Variants in LRP1B observed in about 807,000 individuals in gnomAD.
The protein encoded by LRP1B is low-density lipoprotein receptor-related protein 1B.
A neutral mutation model predicts 556.6 loss-of-function variants in LRP1B; 217 were observed. That is an observed-to-expected ratio of 0.39 (90% CI 0.35 to 0.44). The LOEUF (loss-of-function observed/expected upper bound fraction) is 0.44, where lower values mean the gene tolerates loss of function less well. Ranked by LOEUF, LRP1B falls within the 20% of genes least tolerant of loss-of-function variation. The probability of loss-of-function intolerance (pLI) is 1.00; values close to 1 mark genes in which losing one functional copy is unlikely to be tolerated. For missense variants in LRP1B, 5,053 were observed against 5,620.8 expected (o/e 0.90, Z 3.23); for synonymous variants, 2,047 against 1,865.8 (o/e 1.10, Z -2.50).
Position 140,948,203 on chromosome 2 carries a change from T to A in LRP1B, c.3136+2032A>T, listed in dbSNP as rs556385806. Among the ~76,000 whole-genome samples the A allele has an allele frequency of 3.9e-5, 6 of 152,284 alleles. No individual in the cohort carries two copies. The South Asian group carries it at 1.2e-3, about 32-fold the overall frequency. Reference sequence around the variant, plus strand: ...AAATTAACTTTAGGGCAATTTAGATTTCATAGCACATTATGGAGTAGTGTC... The same window carrying A: ...AAATTAACTTTAGGGCAATTTAGATATCATAGCACATTATGGAGTAGTGTC... On this transcript the variant is annotated intron_variant, in intron 20 of 90. Coordinates refer to ENST00000389484, the MANE Select transcript of LRP1B (RefSeq NM_018557.3).
intron 7 of LRP1B, among the ~76,000 whole-genome samples, chr2:141,131,407 T>TTATATATATATATATATATATAGATATA (rs1701350638): frequency 9.0e-6 from 1 of 110,684 alleles, no homozygotes; most frequent in Non-Finnish European, 1.8e-5. Flanking sequence ...ATGCATAAAG[T>TTATATATATATATATATATATAGATATA]TATATATATA....
intron 32 of LRP1B, among the ~76,000 whole-genome samples, chr2:140,803,290 T>TTTTTTTTTTTTTTTTTTTTTTTTTTTTTC (rs869303438): frequency 8.7e-6 from 1 of 115,262 alleles, no homozygotes; most frequent in African/African-American, 3.5e-5. Context: ...TTTTTTTTTT[T>TTTTTTTTTTTTTTTTTTTTTTTTTTTTTC]CCGAGATGGA....
intron 2 of LRP1B, among the ~76,000 whole-genome samples, chr2:141,650,801 T>C (rs1300372171): frequency 6.6e-6 from 1 of 152,214 alleles, no homozygotes; most frequent in Admixed American, 6.5e-5. Context: ...CCTCAATATC[T>C]TTTAGATTTG....
intron 57 of LRP1B, among the ~76,000 whole-genome samples, chr2:140,490,997 C>A (rs1205246933): frequency 3.3e-5 from 5 of 151,980 alleles, no homozygotes; most frequent in Non-Finnish European, 5.9e-5. Context: ...AAAGAACTAT[C>A]TTAAAATGTT....
chr2:141,508,518 A>G (rs1684012364), intron 2 of LRP1B, among the ~76,000 whole-genome samples: 1 of 152,170 alleles, frequency 6.6e-6, no homozygotes, highest in African/African-American at 2.4e-5. Context: ...TAGGGAAGAA[A>G]AAGCTGCTTC....
intron 3 of LRP1B, among the ~76,000 whole-genome samples, chr2:141,361,252 C>A (rs760154912): frequency 1.4e-4 from 21 of 152,082 alleles, no homozygotes; most frequent in Non-Finnish European, 2.5e-4. Context: ...ATAGTTAATA[C>A]CCTTCCCATA....
intron 1 of LRP1B, among the ~76,000 whole-genome samples, chr2:142,128,291 G>A (rs1574715468): frequency 6.6e-6 from 1 of 152,118 alleles, no homozygotes; most frequent in South Asian, 2.1e-4. Context: ...TACACAATAA[G>A]TACACGTAGA....
At chr2:141,141,307 C>T (rs768855552) in intron 7 of LRP1B, among the ~76,000 whole-genome samples, 10 of 151,898 alleles carry the variant, frequency 6.6e-5, no homozygotes, top group Non-Finnish European at 1.3e-4. Context: ...TATATTTTAT[C>T]TGTTTAAAAT....
At chr2:140,321,901 G>A (rs1425193040) in intron 82 of LRP1B, 62 bp downstream of exon 82, 17 of 1,468,072 alleles carry the variant, frequency 1.2e-5, no homozygotes, top group Admixed American at 2.0e-5. Flanking sequence ...TCCATTTCAC[G>A]AGGTGTGAAA....
At position 140,233,179 on chromosome 2, in the gene LRP1B, T is replaced by G. The variant is rs557818790; in HGVS notation, c.*7A>C. The G allele has an allele frequency of 6.4e-7, 1 of 1,571,706 alleles. No homozygotes were observed. Among genetic ancestry groups the G allele is most frequent in the Admixed American group, 1.7e-5 (1 of 58,276 alleles). The stretch of plus-strand genomic sequence containing the variant: ...ACATTTATACAGCATATAAAAGATA[T>G]CACTGATTATGCCACTGTCTCTCTT... On this transcript the variant is annotated 3_prime_UTR_variant, in exon 91 of 91. Transcript: ENST00000389484.
At chr2:141,043,054 T>A (rs891290201) in intron 11 of LRP1B, among the ~76,000 whole-genome samples, 11 of 79,286 alleles carry the variant, frequency 1.4e-4, no homozygotes, top group South Asian at 4.4e-4. Context: ...AAAAAAAAAA[T>A]TAGCTGAGCA....
intron 70 of LRP1B, 85 bp from the exon 71 acceptor site, chr2:140,370,927 TA>T: frequency 1.4e-6 from 2 of 1,389,120 alleles, no homozygotes; most frequent in Non-Finnish European, 2.0e-6. Context: ...CTTGTAATAC[TA>T]GAGCTTTATT....
chr2:140,854,054 T>C (rs1692539195), intron 27 of LRP1B, among the ~76,000 whole-genome samples: 1 of 95,818 alleles, frequency 1.0e-5, no homozygotes, highest in Admixed American at 1.2e-4. Flanking sequence ...TTCCCCCATA[T>C]CTGAATAAAA....
chr2:141,440,322 C>T (rs1012632671), intron 3 of LRP1B, among the ~76,000 whole-genome samples: 5 of 152,214 alleles, frequency 3.3e-5, no homozygotes, highest in Non-Finnish European at 7.3e-5. Flanking sequence ...CTCCTGGAAC[C>T]TCTGGAAGCC....
intron 6 of LRP1B, among the ~76,000 whole-genome samples, chr2:141,220,622 G>GAAAAA (rs553644230): frequency 8.5e-6 from 1 of 118,178 alleles, no homozygotes; most frequent in Admixed American, 8.9e-5. Flanking sequence ...TCCAAGGTTG[G>GAAAAA]AAAAAAAAAA....
intron 2 of LRP1B, among the ~76,000 whole-genome samples, chr2:141,490,564 T>C (rs1367270803): frequency 1.3e-5 from 2 of 152,130 alleles, no homozygotes; most frequent in Non-Finnish European, 2.9e-5. Flanking sequence ...TGTGTGGACA[T>C]AGCCAAAAAT....
chr2:140,767,561 T>C (rs6738178), intron 35 of LRP1B, among the ~76,000 whole-genome samples: 88,679 of 151,194 alleles, frequency 0.59, 26,130 homozygotes, highest in East Asian at 0.76. Flanking sequence ...TCAGATGATC[T>C]ATTTACCCTT....
At position 141,382,651 on chromosome 2, in the gene LRP1B, C is replaced by T. The variant is rs148322594; in HGVS notation, c.343+97745G>A. Among the ~76,000 whole-genome samples, 94 of 152,300 alleles carry T rather than the reference C, an allele frequency of 6.2e-4. 2 individuals carry two copies. In the East Asian group the frequency reaches 0.013, roughly 21 times the overall value. On this transcript the variant is annotated intron_variant, in intron 3 of 90. Transcript: ENST00000389484. ...AGAGGATCCCAGGATCAGCTCTAGCCTCTCTTTTTGCAGTTGGGAACATAG... is the reference window on the plus strand; with the variant it reads ...AGAGGATCCCAGGATCAGCTCTAGCTTCTCTTTTTGCAGTTGGGAACATAG...
At chr2:141,709,279 G>A (rs1692265865) in intron 2 of LRP1B, among the ~76,000 whole-genome samples, 1 of 151,960 alleles carries the variant, frequency 6.6e-6, no homozygotes, top group Admixed American at 6.6e-5. Context: ...AACCTGGGAG[G>A]CAGAAGTTGC....
Sources: allele counts gnomAD v4.1 joint callset (sites outside exome capture counted in the v4.1 genomes callset), GRCh38; gene constraint gnomAD v4.1.1; transcripts MANE v1.5; gene names NCBI Gene and HGNC (gene_info 2026-07-23, HGNC 2026-07-21).